The following SMC5 variants were observed in gnomAD, a reference collection of about 807,000 sequenced individuals.
The protein encoded by SMC5 is structural maintenance of chromosomes 5, also known as structural maintenance of chromosomes protein 5.
Under a neutral mutation model 148.3 loss-of-function variants are expected in SMC5, and 88 were observed. That is an observed-to-expected ratio of 0.59 (90% CI 0.50 to 0.71). The LOEUF (loss-of-function observed/expected upper bound fraction) is 0.71, where lower values mean the gene tolerates loss of function less well. SMC5 is among the 30% of genes least tolerant of loss of function. The pLI is 0.00. For synonymous variants in SMC5, 421 were observed against 432.8 expected, an observed-to-expected ratio of 0.97 and a Z score of 0.34; for missense variants, 1,142 against 1,298.9, an observed-to-expected ratio of 0.88 and a Z score of 1.86.
chr9:70,277,394 T>C lies in SMC5; in HGVS notation c.465T>C (p.Ser155=), dbSNP rs994013522. The part of the protein sequence containing the change: ...NQSFWFINKK[S]TTQKIVEEKV... ...CCTTTTGGTTCATCAACAAAAAATC[T>C]ACAACCCAGAAAATAGTGGAAGAGA... Residue 155 remains serine (S), a synonymous_variant, in exon 4 of 25, where the codon TCT becomes TCC. Transcript: ENST00000361138. 1.0e-5 allele frequency: 16 copies of C among 1,607,344 alleles called. No individual in the cohort carries two copies. Among genetic ancestry groups the C allele is most frequent in the Non-Finnish European group, 1.4e-5 (16 of 1,176,676 alleles).
At chr9:70,335,182 C>A (rs1256256271) in intron 17 of SMC5, among the ~76,000 whole-genome samples, 4 of 152,130 alleles carry the variant, frequency 2.6e-5, no homozygotes, top group African/African-American at 9.7e-5. Flanking sequence ...TAACAGCTGT[C>A]TTTGTAATAG....
chr9:70,341,155 A>G (rs976732574), intron 17 of SMC5, among the ~76,000 whole-genome samples: 1 of 152,222 alleles, frequency 6.6e-6, no homozygotes, highest in African/African-American at 2.4e-5. Context: ...TGGTTTTAAA[A>G]ACAAAAAGCA....
At chr9:70,346,771 T>C (rs939106203) in intron 19 of SMC5, 122 bp downstream of exon 19, 2 of 954,904 alleles carry the variant, frequency 2.1e-6, no homozygotes, top group African/African-American at 1.6e-5. Flanking sequence ...AACTCTCCTG[T>C]AGCATGAACT....
intron 20 of SMC5, 73 bp downstream of exon 20, chr9:70,347,234 C>T: frequency 4.1e-6 from 5 of 1,225,590 alleles, no homozygotes; most frequent in Non-Finnish European, 5.9e-6. Context: ...CACATACACA[C>T]ACAGAGTTCC....
chr9:70,298,243 T>C, intron 9 of SMC5, 22 bp downstream of exon 9: 2 of 1,595,912 alleles, frequency 1.3e-6, no homozygotes, highest in Non-Finnish European at 8.5e-7. Flanking sequence ...AAAGTTAGAA[T>C]GAAATGTTTA....
intron 17 of SMC5, among the ~76,000 whole-genome samples, chr9:70,338,071 G>T (rs2036412293): frequency 6.6e-6 from 1 of 152,026 alleles, no homozygotes; most frequent in Admixed American, 6.6e-5. Context: ...CTGAAGTGCG[G>T]TGGCATGGTC....
intron 2 of SMC5, among the ~76,000 whole-genome samples, chr9:70,266,956 G>T (rs2034306969): frequency 6.6e-6 from 1 of 151,598 alleles, no homozygotes; most frequent in Admixed American, 6.6e-5. Context: ...GTGGAGTTGA[G>T]ATTTGAACCT....
Position 70,286,250 on chromosome 9 carries a change from T to C in SMC5, c.1032T>C (p.Val344=). The C allele has an allele frequency of 6.2e-7, 1 of 1,602,278 alleles. No individual in the cohort carries two copies. Among genetic ancestry groups the C allele is most frequent in the Non-Finnish European group, 8.5e-7 (1 of 1,173,060 alleles). ...ASQKCKQKQD[V]IERKDKHIEE... ...AAAAATGCAAACAGAAGCAAGATGTTATAGAAAGGAAAGATAAACATGTAA... is the reference window on the plus strand; with the variant it reads ...AAAAATGCAAACAGAAGCAAGATGTCATAGAAAGGAAAGATAAACATGTAA... The change falls in exon 8 of 25, where the codon GTT becomes GTC. Residue 344 remains valine, a synonymous_variant. Coordinates refer to ENST00000361138, the MANE Select transcript of SMC5 (RefSeq NM_015110.4).
At chr9:70,307,965 T>G (rs929942220) in intron 11 of SMC5, among the ~76,000 whole-genome samples, 1 of 152,212 alleles carries the variant, frequency 6.6e-6, no homozygotes, top group African/African-American at 2.4e-5. Context: ...TGTATCTTTT[T>G]GGGCCTTACA....
rs1158070500 is a variant in SMC5, at chr9:70,280,884, A to G, written c.804A>G (p.Ala268=). The change falls in exon 6 of 25, where the codon GCA becomes GCG. Residue 268 remains alanine (A), a synonymous_variant. Coordinates refer to ENST00000361138, the MANE Select transcript of SMC5 (RefSeq NM_015110.4). ...RHLDLIEMLE[A]KRPWVEYENV... is the part of the protein sequence containing the mutation. Reference sequence around the variant, plus strand: ...TAGATTTAATTGAGATGCTTGAAGCAAAAAGGCCATGGGTGGTAAGTCATA... The same window carrying G: ...TAGATTTAATTGAGATGCTTGAAGCGAAAAGGCCATGGGTGGTAAGTCATA... The G allele has an allele frequency of 6.2e-7, 1 of 1,613,934 alleles. No homozygotes were observed.
chr9:70,345,432 G>A (rs906340739), intron 18 of SMC5, among the ~76,000 whole-genome samples: 4 of 152,022 alleles, frequency 2.6e-5, no homozygotes, highest in African/African-American at 9.7e-5. Flanking sequence ...ACAGGGTGAG[G>A]AGATGGAGTG....
chr9:70,281,805 CTT>C (rs2034757279), intron 6 of SMC5, among the ~76,000 whole-genome samples: 1 of 151,870 alleles, frequency 6.6e-6, no homozygotes, highest in Non-Finnish European at 1.5e-5. Flanking sequence ...CTCACTTTGT[CTT>C]TTGATTTTCC....
chr9:70,303,749 A>G (rs1428297118), intron 10 of SMC5, among the ~76,000 whole-genome samples: 1 of 152,230 alleles, frequency 6.6e-6, no homozygotes, highest in Non-Finnish European at 1.5e-5. Flanking sequence ...AAGATCAAGC[A>G]TAGGATTTGA....
intron 8 of SMC5, among the ~76,000 whole-genome samples, chr9:70,292,225 G>T (rs1241555223): frequency 1.3e-5 from 2 of 152,108 alleles, no homozygotes; most frequent in Non-Finnish European, 2.9e-5. Context: ...GAAAAATGTT[G>T]CTGGGATTTT....
Position 70,259,274 on chromosome 9 carries a change from C to A in SMC5, c.185+11C>A. On this transcript the variant is annotated intron_variant, in intron 1 of 24. Coordinates refer to ENST00000361138, the MANE Select transcript of SMC5 (RefSeq NM_015110.4). ...GATGGAGAACTTCCTGTAAGTTGCCCGGAGGCCGCGCCGCGGGTGTGGAGG... is the reference window on the plus strand; with the variant it reads ...GATGGAGAACTTCCTGTAAGTTGCCAGGAGGCCGCGCCGCGGGTGTGGAGG... 6.4e-7 allele frequency: 1 copy of A among 1,561,654 alleles called. No homozygotes were observed. Among genetic ancestry groups the A allele is most frequent in the African/African-American group, 1.4e-5 (1 of 73,682 alleles).
Position 70,318,704 on chromosome 9 carries a change from T to A in SMC5, c.1980+17T>A. The stretch of plus-strand genomic sequence containing the variant: ...CAGCTAAAGGTTGGTTAATTTGATC[T>A]GAATGTTAGAAAAGAATATTAACTG... On this transcript the variant is annotated intron_variant, in intron 14 of 24. Coordinates refer to ENST00000361138, the MANE Select transcript of SMC5 (RefSeq NM_015110.4). 6.4e-7 allele frequency: 1 copy of A among 1,571,276 alleles called. No homozygotes were observed. Among genetic ancestry groups the A allele is most frequent in the Non-Finnish European group, 8.6e-7 (1 of 1,163,358 alleles).
chr9:70,283,292 T>G (rs1412613133), intron 7 of SMC5, among the ~76,000 whole-genome samples: 1 of 152,036 alleles, frequency 6.6e-6, no homozygotes, highest in Non-Finnish European at 1.5e-5. Flanking sequence ...GGTGAAACCC[T>G]GTCTCTATGA....
intron 15 of SMC5, among the ~76,000 whole-genome samples, chr9:70,319,286 A>G (rs1323729196): frequency 6.6e-6 from 1 of 152,214 alleles, no homozygotes; most frequent in East Asian, 1.9e-4. Flanking sequence ...AATGTTTAAA[A>G]TATTCATTAA....
At chr9:70,299,392 A>G (rs1358455255) in intron 9 of SMC5, among the ~76,000 whole-genome samples, 1 of 151,730 alleles carries the variant, frequency 6.6e-6, no homozygotes, top group Non-Finnish European at 1.5e-5. Flanking sequence ...AAGCTGTCTT[A>G]TCGGGCATTC....
Sources: gnomAD v4.1 joint callset for allele counts (sites outside exome capture counted in the v4.1 genomes callset) on GRCh38, gnomAD v4.1.1 for gene constraint, MANE v1.5 for transcripts, NCBI Gene and HGNC (gene_info 2026-07-23, HGNC 2026-07-21) for gene names.